The following ZMYM2 variants were observed in gnomAD, a reference collection of about 807,000 sequenced individuals.
ZMYM2 encodes zinc finger MYM-type protein 2.
A neutral mutation model predicts 162.8 loss-of-function variants in ZMYM2; 56 were observed. The observed-to-expected ratio is 0.34, with a 90% CI of 0.28 to 0.43. The LOEUF (loss-of-function observed/expected upper bound fraction) is 0.43. ZMYM2 is among the 20% of genes least tolerant of loss of function. The pLI is 1.00. For synonymous variants in ZMYM2, 510 were observed against 541.6 expected (o/e 0.94, Z 0.81); for missense variants, 1,275 against 1,621.8 (o/e 0.79, Z 3.67).
chr13:20,046,564 A>AAAATAT (rs766574183), intron 12 of ZMYM2, among the ~76,000 whole-genome samples: 129 of 103,862 alleles, frequency 1.2e-3, no homozygotes, highest in South Asian at 2.9e-3. Context: ...TAAAAAAAAA[A>AAAATAT]ATATATATAT....
intron 3 of ZMYM2, among the ~76,000 whole-genome samples, chr13:19,994,883 A>C (rs1228418867): frequency 3.3e-5 from 5 of 151,854 alleles, no homozygotes; most frequent in African/African-American, 1.2e-4. Context: ...CCCAGAGTGG[A>C]GTAGAGTGGC....
intron 18 of ZMYM2, 61 bp downstream of exon 18, chr13:20,063,032 T>C (rs1956346000): frequency 4.0e-6 from 6 of 1,503,406 alleles, no homozygotes; most frequent in Non-Finnish European, 4.5e-6. Context: ...TTATGATCAT[T>C]TACCATTTGA....
chr13:19,928,476 C>G, the ZMYM2 span, among the ~76,000 whole-genome samples: 1 of 151,994 alleles, frequency 6.6e-6, no homozygotes, highest in Non-Finnish European at 1.5e-5. Flanking sequence ...CTTTTTCTAT[C>G]GTTATCATTC....
chr13:20,043,382 A>T (rs1448510634), intron 12 of ZMYM2, among the ~76,000 whole-genome samples: 2 of 152,130 alleles, frequency 1.3e-5, no homozygotes, highest in East Asian at 3.9e-4. Flanking sequence ...TGGCTGTGGT[A>T]GGGTGCTAGT....
At chr13:19,895,779 G>A in the ZMYM2 span, among the ~76,000 whole-genome samples, 6 of 151,530 alleles carry the variant, frequency 4.0e-5, no homozygotes, top group Non-Finnish European at 8.8e-5. Flanking sequence ...ATACCCAAAA[G>A]AATTAAAAGC....
At chr13:19,967,270 T>G (rs1295974697) in intron 2 of ZMYM2, among the ~76,000 whole-genome samples, 1 of 152,224 alleles carries the variant, frequency 6.6e-6, no homozygotes, top group Non-Finnish European at 1.5e-5. Context: ...AACTCGTGAA[T>G]TTGGTGAGAT....
chr13:19,958,915 C>CGGAGGA (rs1954801400), intron 1 of ZMYM2, 74 bp downstream of exon 1: 2 of 152,560 alleles, frequency 1.3e-5, no homozygotes, highest in African/African-American at 4.8e-5. Flanking sequence ...GCGCAGCCTC[C>CGGAGGA]GGAGGAGGAG....
rs1958295722 is a variant in ZMYM2, at chr13:20,086,781, A to G, written c.*767A>G. 1 of 149,014 alleles carries G rather than the reference A, an allele frequency of 6.7e-6. No homozygotes were observed. The highest frequency in any genetic ancestry group is 2.1e-4 in the South Asian group (1 of 4,758). The allele number at this position is 149,014 out of a possible 1,614,324, so 9.2% of individuals were successfully genotyped here. A position where few individuals can be genotyped will look rare whatever the true frequency, so the allele number is the denominator to read the frequency against. On this transcript the variant is annotated 3_prime_UTR_variant, in exon 25 of 25. Transcript: ENST00000610343. The stretch of plus-strand genomic sequence containing the variant: ...TATGTATGTGTGTGTGTATATATAT[A>G]TATATATATATATATATAAATGATT...
At chr13:19,903,306 G>A in the ZMYM2 span, among the ~76,000 whole-genome samples, 1 of 151,794 alleles carries the variant, frequency 6.6e-6, no homozygotes, top group Non-Finnish European at 1.5e-5. Context: ...TCCAGCCTAG[G>A]TGACAGAATG....
At chr13:19,929,173 T>C in the ZMYM2 span, among the ~76,000 whole-genome samples, 2 of 152,190 alleles carry the variant, frequency 1.3e-5, no homozygotes, top group Admixed American at 6.5e-5. Flanking sequence ...ATAGCTTTGT[T>C]TCTTTCTTTC....
At chr13:20,025,282 A>G (rs1952476284) in intron 7 of ZMYM2, 1 of 200,254 alleles carries the variant, frequency 5.0e-6, no homozygotes, top group African/African-American at 2.3e-5. Context: ...AATGGATACA[A>G]TTATTTTGCA....
At chr13:20,017,200 A>C (rs1951699867) in intron 6 of ZMYM2, among the ~76,000 whole-genome samples, 1 of 152,164 alleles carries the variant, frequency 6.6e-6, no homozygotes, top group African/African-American at 2.4e-5. Flanking sequence ...GCCTTCTCTG[A>C]CTTTACCATG....
chr13:20,074,200 G>C (rs1159071013), intron 21 of ZMYM2, among the ~76,000 whole-genome samples: 1 of 94,414 alleles, frequency 1.1e-5, no homozygotes, highest in Non-Finnish European at 2.1e-5. Flanking sequence ...CAGAATTTGT[G>C]TGTGTGTGTG....
intron 2 of ZMYM2, among the ~76,000 whole-genome samples, chr13:19,973,392 C>T (rs111266370): frequency 0.03 from 4,493 of 151,600 alleles, 93 homozygotes; most frequent in Non-Finnish European, 0.048. Flanking sequence ...ATAGAGGGGC[C>T]GGGCGTGGTG....
the ZMYM2 span, among the ~76,000 whole-genome samples, chr13:19,933,681 G>C: frequency 1.3e-5 from 2 of 152,164 alleles, no homozygotes; most frequent in African/African-American, 4.8e-5. Context: ...ATGATCCTAT[G>C]TAGAATTCTG....
At chr13:20,010,418 G>A (rs888287491) in intron 6 of ZMYM2, among the ~76,000 whole-genome samples, 1 of 151,892 alleles carries the variant, frequency 6.6e-6, no homozygotes, top group African/African-American at 2.4e-5. Flanking sequence ...TTCAGGCCTG[G>A]TCTCGAACTC....
intron 12 of ZMYM2, among the ~76,000 whole-genome samples, chr13:20,048,524 C>T (rs780304253): frequency 4.9e-4 from 75 of 151,712 alleles, no homozygotes; most frequent in Non-Finnish European, 8.6e-4. Flanking sequence ...TGTAAAATAC[C>T]CCTATCTTTT....
At chr13:20,002,048 T>C (rs1594287187) in intron 3 of ZMYM2, among the ~76,000 whole-genome samples, 1 of 152,218 alleles carries the variant, frequency 6.6e-6, no homozygotes, top group African/African-American at 2.4e-5. Context: ...CCTGTATACA[T>C]TGGTTTAATT....
At chr13:19,976,581 C>T (rs976352486) in intron 2 of ZMYM2, among the ~76,000 whole-genome samples, 8 of 152,140 alleles carry the variant, frequency 5.3e-5, no homozygotes, top group Admixed American at 4.6e-4. Context: ...TCTCTTCCTC[C>T]GGCCCCTGGT....
Sources: allele counts gnomAD v4.1 joint callset (sites outside exome capture counted in the v4.1 genomes callset), GRCh38; gene constraint gnomAD v4.1.1; transcripts MANE v1.5; gene names NCBI Gene and HGNC (gene_info 2026-07-23, HGNC 2026-07-21).